Variants in TUSC3 observed in about 807,000 individuals in gnomAD.
TUSC3 encodes the protein tumor suppressor candidate 3.
A neutral mutation model predicts 44.8 loss-of-function variants in TUSC3; 45 were observed. The observed-to-expected ratio is 1.00, with a 90% confidence interval of 0.79 to 1.29. The LOEUF (loss-of-function observed/expected upper bound fraction) is 1.29, where lower values mean the gene tolerates loss of function less well. TUSC3 is among the 50% of genes most tolerant of loss of function. TUSC3 has a pLI of 0.00. For synonymous variants in TUSC3, 212 were observed against 152.9 expected, an observed-to-expected ratio of 1.39 and a Z score of -2.85; for missense variants, 519 against 437.9, an observed-to-expected ratio of 1.19 and a Z score of -1.65.
intron 2 of TUSC3, among the ~76,000 whole-genome samples, chr8:15,533,573 T>G (rs1354912128): frequency 6.6e-6 from 1 of 152,192 alleles, no homozygotes; most frequent in Non-Finnish European, 1.5e-5. Context: ...ATGTAGCTTT[T>G]TATCTTTGTT....
chr8:15,510,824 C>T (rs866476893), intron 2 of TUSC3, among the ~76,000 whole-genome samples: 3 of 151,726 alleles, frequency 2.0e-5, no homozygotes, highest in Non-Finnish European at 2.9e-5. Context: ...CACAAACATT[C>T]GAAACAAAAT....
chr8:15,766,817 T>C (rs1563214348), downstream of TUSC3, among the ~76,000 whole-genome samples: 1 of 152,034 alleles, frequency 6.6e-6, no homozygotes, highest in Non-Finnish European at 1.5e-5. Flanking sequence ...TAAGGGTACG[T>C]GAAGGGAGTG....
chr8:15,502,201 GCAA>G (rs1182869476), intron 2 of TUSC3, among the ~76,000 whole-genome samples: 4 of 152,124 alleles, frequency 2.6e-5, no homozygotes, highest in Admixed American at 1.3e-4. Flanking sequence ...CTTTCTTTGC[GCAA>G]GTTTTTGCTG....
chr8:15,795,128 G>C, the TUSC3 span, among the ~76,000 whole-genome samples: 1 of 152,282 alleles, frequency 6.6e-6, no homozygotes, highest in South Asian at 2.1e-4. Context: ...AGCAGCAGTA[G>C]TGACCTCAAT....
intron 2 of TUSC3, among the ~76,000 whole-genome samples, chr8:15,650,143 C>G (rs1806825162): frequency 6.6e-6 from 1 of 152,100 alleles, no homozygotes; most frequent in South Asian, 2.1e-4. Flanking sequence ...TCTTTGCTTA[C>G]TGTTGGTTTG....
intron 1 of TUSC3, among the ~76,000 whole-genome samples, chr8:15,446,743 G>A (rs1193915050): frequency 2.2e-4 from 24 of 107,568 alleles, no homozygotes; most frequent in African/African-American, 7.8e-4. Flanking sequence ...AGAGGGGGAG[G>A]GAGGGGGGAG....
chr8:15,510,408 G>T (rs534234262), intron 2 of TUSC3, among the ~76,000 whole-genome samples: 1 of 152,178 alleles, frequency 6.6e-6, no homozygotes, highest in South Asian at 2.1e-4. Context: ...TGAGAGCAAT[G>T]ACATCACTAC....
intron 2 of TUSC3, among the ~76,000 whole-genome samples, chr8:15,509,800 G>T: frequency 6.6e-6 from 1 of 152,186 alleles, no homozygotes; most frequent in East Asian, 1.9e-4. Flanking sequence ...ATCTGTAAGT[G>T]AGATGAATGT....
At chr8:15,812,467 A>G in the TUSC3 span, among the ~76,000 whole-genome samples, 3 of 152,126 alleles carry the variant, frequency 2.0e-5, no homozygotes, top group Non-Finnish European at 4.4e-5. Flanking sequence ...AGACATAGCA[A>G]TAGGTAGATA....
intron 6 of TUSC3, among the ~76,000 whole-genome samples, chr8:15,690,150 C>A (rs1020229486): frequency 6.6e-6 from 1 of 152,106 alleles, no homozygotes; most frequent in Non-Finnish European, 1.5e-5. Context: ...TATAAACTTT[C>A]TTCTCTTCCA....
intron 1 of TUSC3, among the ~76,000 whole-genome samples, chr8:15,622,859 C>G (rs540964615): frequency 2.6e-5 from 4 of 151,930 alleles, no homozygotes; most frequent in Admixed American, 1.3e-4. Flanking sequence ...GCTGACTTCT[C>G]TAGCAAGTGG....
chr8:15,470,695 C>G (rs1008432814), intron 1 of TUSC3, among the ~76,000 whole-genome samples: 1 of 152,114 alleles, frequency 6.6e-6, no homozygotes, highest in Non-Finnish European at 1.5e-5. Context: ...ATGAGAAAAA[C>G]AATCCCTTCC....
At position 15,467,588 on chromosome 8, in the gene TUSC3, C is replaced by T. The variant is rs559043275; in HGVS notation, n.92-15798C>T. Among the ~76,000 whole-genome samples the T allele has an allele frequency of 3.9e-5, 6 of 152,212 alleles. No homozygotes were observed. The East Asian group carries it at 9.7e-4, about 25-fold the overall frequency. On this transcript the variant is annotated intron_variant and non_coding_transcript_variant, in intron 1 of 5. Coordinates refer to the TUSC3 transcript ENST00000503191. ...TAATATTAGTCCTGAAAGAGTAAAG[C>T]CTTTTCTCATTTGCGCCTTGGGAAA...
At chr8:15,654,188 G>C (rs987023272) in intron 3 of TUSC3, among the ~76,000 whole-genome samples, 2 of 152,136 alleles carry the variant, frequency 1.3e-5, no homozygotes, top group Admixed American at 6.5e-5. Context: ...GTTTTCATGT[G>C]GGGAGTGAGG....
the TUSC3 span, among the ~76,000 whole-genome samples, chr8:15,827,592 A>C: frequency 1.3e-5 from 2 of 152,172 alleles, no homozygotes; most frequent in Non-Finnish European, 2.9e-5. Flanking sequence ...TAGGCTTGAA[A>C]TTGTTTCTAA....
At chr8:15,469,006 G>C (rs1800450619) in intron 1 of TUSC3, among the ~76,000 whole-genome samples, 1 of 151,644 alleles carries the variant, frequency 6.6e-6, no homozygotes, top group Non-Finnish European at 1.5e-5. Context: ...TGAAGGTAAA[G>C]GCATGCCACA....
the TUSC3 span, among the ~76,000 whole-genome samples, chr8:15,851,555 A>G: frequency 6.6e-6 from 1 of 152,190 alleles, no homozygotes; most frequent in Non-Finnish European, 1.5e-5. Context: ...AGGTTTAAAT[A>G]ACTTGACCAA....
intron 6 of TUSC3, among the ~76,000 whole-genome samples, chr8:15,687,390 C>A (rs1456424466): frequency 6.6e-6 from 1 of 152,168 alleles, no homozygotes; most frequent in Non-Finnish European, 1.5e-5. Flanking sequence ...TGCCTCAGCA[C>A]CATGGTCATT....
intron 2 of TUSC3, among the ~76,000 whole-genome samples, chr8:15,484,021 G>A (rs971974846): frequency 1.3e-5 from 2 of 151,954 alleles, no homozygotes; most frequent in Non-Finnish European, 2.9e-5. Flanking sequence ...ATTGCTATGT[G>A]TTCTCTTTTT....
Sources: gnomAD v4.1 joint callset for allele counts (sites outside exome capture counted in the v4.1 genomes callset) on GRCh38, gnomAD v4.1.1 for gene constraint, MANE v1.5 for transcripts, NCBI Gene and HGNC (gene_info 2026-07-23, HGNC 2026-07-21) for gene names.